Variants in REEP1 observed in about 807,000 individuals in gnomAD.
The protein encoded by REEP1 is receptor accessory protein 1, also known as receptor expression-enhancing protein 1.
REEP1 carries 22 observed loss-of-function variants against 40.3 expected under a neutral mutation model. The observed-to-expected ratio is 0.55, with a 90% CI of 0.39 to 0.78. REEP1 has a LOEUF of 0.78. REEP1 is among the 30% of genes least tolerant of loss of function. The pLI is 0.00. For synonymous variants in REEP1, 116 were observed against 139.2 expected (o/e 0.83, Z 1.17); for missense variants, 280 against 361.1 (o/e 0.78, Z 1.82).
intron 5 of REEP1, among the ~76,000 whole-genome samples, chr2:86,245,958 G>T (rs1675925511): frequency 6.6e-6 from 1 of 151,978 alleles, no homozygotes; most frequent in African/African-American, 2.4e-5. Context: ...TAGAGACGGG[G>T]TTTCACCATG....
chr2:86,250,157 G>A (rs1428482883), intron 5 of REEP1, among the ~76,000 whole-genome samples: 1 of 152,176 alleles, frequency 6.6e-6, no homozygotes, highest in Non-Finnish European at 1.5e-5. Flanking sequence ...GCTCCATCTT[G>A]AGGCAGACCC....
At chr2:86,310,092 C>T (rs1343997809) in intron 1 of REEP1, among the ~76,000 whole-genome samples, 1 of 152,152 alleles carries the variant, frequency 6.6e-6, no homozygotes, top group East Asian at 1.9e-4. Context: ...GTAGTTACTT[C>T]CCGTTTTCCC....
chr2:86,314,510 C>T (rs951418598), intron 1 of REEP1, among the ~76,000 whole-genome samples: 1 of 151,606 alleles, frequency 6.6e-6, no homozygotes. Context: ...GGAGGCCTAG[C>T]GACAGGGCTA....
At chr2:86,308,487 G>A (rs955941227) in intron 1 of REEP1, among the ~76,000 whole-genome samples, 2 of 152,166 alleles carry the variant, frequency 1.3e-5, no homozygotes, top group Non-Finnish European at 2.9e-5. Context: ...CATGGCAGGC[G>A]AAGGTTGCAG....
chr2:86,270,597 T>A (rs1387705748), intron 2 of REEP1, among the ~76,000 whole-genome samples: 1 of 152,068 alleles, frequency 6.6e-6, no homozygotes, highest in Non-Finnish European at 1.5e-5. Context: ...AGGAAACTCT[T>A]AAAAAAGAAA....
At chr2:86,243,284 AAG>A (rs1675766483) in intron 5 of REEP1, among the ~76,000 whole-genome samples, 2 of 152,258 alleles carry the variant, frequency 1.3e-5, no homozygotes, top group Non-Finnish European at 2.9e-5. Flanking sequence ...CACCACAGCC[AAG>A]AGACAGCCCT....
intron 1 of REEP1, among the ~76,000 whole-genome samples, chr2:86,296,814 G>A (rs967226853): frequency 6.6e-6 from 1 of 152,100 alleles, no homozygotes; most frequent in Non-Finnish European, 1.5e-5. Context: ...ATGAGATCAC[G>A]CCACTGCACT....
At chr2:86,304,198 G>T (rs1054133578) in intron 1 of REEP1, among the ~76,000 whole-genome samples, 14 of 152,110 alleles carry the variant, frequency 9.2e-5, no homozygotes, top group African/African-American at 3.1e-4. Flanking sequence ...GGTCTCCCAG[G>T]ACTCATCAAT....
intron 1 of REEP1, among the ~76,000 whole-genome samples, chr2:86,324,828 T>C (rs1680429056): frequency 6.6e-6 from 1 of 152,202 alleles, no homozygotes; most frequent in South Asian, 2.1e-4. Context: ...GAATGCTCAC[T>C]GCAGCGCTCT....
Position 86,254,678 on chromosome 2 carries a change from T to C in REEP1, c.303+16A>G. The stretch of plus-strand genomic sequence containing the variant: ...CACTTGCTAGAAAGAATGAAAGACA[T>C]GGCAGCATATATTACCTTTTCTTTT... On this transcript the variant is annotated intron_variant, in intron 4 of 8. Coordinates refer to ENST00000538924, the MANE Select transcript of REEP1 (RefSeq NM_001371279.1). 6.2e-7 allele frequency: 1 copy of C among 1,611,364 alleles called. No homozygotes were observed. Among genetic ancestry groups the C allele is most frequent in the Non-Finnish European group, 8.5e-7 (1 of 1,177,548 alleles).
intron 1 of REEP1, among the ~76,000 whole-genome samples, chr2:86,326,644 G>A (rs905964540): frequency 2.6e-5 from 4 of 152,048 alleles, no homozygotes; most frequent in Admixed American, 6.6e-5. Flanking sequence ...CCCGGGAGGC[G>A]GAGGTTGCAG....
chr2:86,302,528 CA>C (rs1271846479), intron 1 of REEP1, among the ~76,000 whole-genome samples: 1 of 152,090 alleles, frequency 6.6e-6, no homozygotes, highest in Non-Finnish European at 1.5e-5. Flanking sequence ...GGAATCTATC[CA>C]AAAGAAATCA....
At chr2:86,224,937 C>T (rs527670560) in intron 7 of REEP1, among the ~76,000 whole-genome samples, 1 of 152,190 alleles carries the variant, frequency 6.6e-6, no homozygotes, top group Non-Finnish European at 1.5e-5. Flanking sequence ...CTCCCCGACC[C>T]CCAAGTGCCA....
At chr2:86,229,897 C>A (rs1187130176) in intron 6 of REEP1, among the ~76,000 whole-genome samples, 1 of 152,152 alleles carries the variant, frequency 6.6e-6, no homozygotes, top group Non-Finnish European at 1.5e-5. Flanking sequence ...CAGGCGTGAA[C>A]CACTACACCC....
rs528990727 is a variant in REEP1 at position 86,224,235 on chromosome 2, T to G, written c.631+3128A>C. Among the ~76,000 whole-genome samples, 427 of 152,316 alleles carry G rather than the reference T, an allele frequency of 2.8e-3. 3 individuals carry two copies. The highest frequency in any genetic ancestry group is 6.8e-3 in the Middle Eastern group (2 of 294). The stretch of plus-strand genomic sequence containing the variant: ...GGCTCTGCATGGCCCCAGAGGTAAT[T>G]TGAATCTTCCCAGGCTTTGGCCTGA... On this transcript the variant is annotated intron_variant, in intron 7 of 8. Transcript: ENST00000538924.
chr2:86,288,433 G>C (rs1027846472), intron 1 of REEP1, among the ~76,000 whole-genome samples: 3 of 152,306 alleles, frequency 2.0e-5, no homozygotes, highest in Admixed American at 2.0e-4. Context: ...TGGGATTACA[G>C]GTATGTGCCA....
chr2:86,254,070 T>G (rs1189351372), intron 4 of REEP1, among the ~76,000 whole-genome samples: 2 of 152,238 alleles, frequency 1.3e-5, no homozygotes, highest in East Asian at 3.8e-4. Context: ...GGGAACATCA[T>G]CATGGGTATT....
chr2:86,297,801 G>A, intron 1 of REEP1: 5 of 766,286 alleles, frequency 6.5e-6, no homozygotes, highest in Non-Finnish European at 7.9e-6. Flanking sequence ...AGACTCTGGG[G>A]GATCTCAGAG....
intron 5 of REEP1, among the ~76,000 whole-genome samples, chr2:86,238,415 G>A (rs574252977): frequency 4.3e-4 from 65 of 152,244 alleles, no homozygotes; most frequent in Middle Eastern, 3.4e-3. Flanking sequence ...CTTCTCTCTT[G>A]TACTCCACAC....
Sources: gnomAD v4.1 joint callset for allele counts (sites outside exome capture counted in the v4.1 genomes callset) on GRCh38, gnomAD v4.1.1 for gene constraint, MANE v1.5 for transcripts, NCBI Gene and HGNC (gene_info 2026-07-23, HGNC 2026-07-21) for gene names.